NELL1: variants seen among roughly 807,000 people sequenced by gnomAD.
The protein encoded by NELL1 is protein kinase C-binding protein NELL1.
In NELL1, 76 loss-of-function variants were observed where a neutral mutation model predicts 107.4. That is an observed-to-expected ratio of 0.71 (90% CI 0.59 to 0.86). NELL1 has a LOEUF of 0.86. Ranked by LOEUF, NELL1 falls within the 40% of genes least tolerant of loss-of-function variation. The probability of loss-of-function intolerance (pLI) is 0.00; values close to 1 mark genes in which losing one functional copy is unlikely to be tolerated. For synonymous variants in NELL1, 353 were observed against 341.2 expected (o/e 1.03, Z -0.38); for missense variants, 1,024 against 1,005.5 (o/e 1.02, Z -0.25).
At chr11:20,774,672 T>C (rs1448331010) in intron 2 of NELL1, among the ~76,000 whole-genome samples, 2 of 152,160 alleles carry the variant, frequency 1.3e-5, no homozygotes, top group African/African-American at 4.8e-5. Flanking sequence ...CAGGGAATGC[T>C]CAGTAAGGGT....
chr11:21,216,057 A>G (rs1313711157), intron 13 of NELL1, among the ~76,000 whole-genome samples: 1 of 152,102 alleles, frequency 6.6e-6, no homozygotes, highest in Non-Finnish European at 1.5e-5. Context: ...CCCTCTGTGT[A>G]CAGCCTCAGG....
At chr11:21,522,737 T>A (rs1855757449) in intron 15 of NELL1, among the ~76,000 whole-genome samples, 1 of 152,124 alleles carries the variant, frequency 6.6e-6, no homozygotes, top group Non-Finnish European at 1.5e-5. Flanking sequence ...ATCTATATAT[T>A]TGAGTGTTAT....
chr11:20,819,483 G>C (rs1857701213), intron 3 of NELL1, among the ~76,000 whole-genome samples: 1 of 152,216 alleles, frequency 6.6e-6, no homozygotes, highest in Non-Finnish European at 1.5e-5. Context: ...GGTCCACTGA[G>C]GGCAATGTGT....
In NELL1 at chr11:20,790,668, T is replaced by A. The variant is rs537386250; in HGVS notation, c.335+6838T>A. ...TAGGACTCCTACCTGCTCTGTGGAGTGGGAGGTCTAGATCTGCAGCCATGA... is the reference window on the plus strand; with the variant it reads ...TAGGACTCCTACCTGCTCTGTGGAGAGGGAGGTCTAGATCTGCAGCCATGA... On this transcript the variant is annotated intron_variant, in intron 3 of 19. Coordinates refer to ENST00000357134, the MANE Select transcript of NELL1 (RefSeq NM_006157.5). Among the ~76,000 whole-genome samples the A allele has an allele frequency of 4.0e-5, 6 of 151,672 alleles. No individual in the cohort carries two copies. In the East Asian group the frequency reaches 1.2e-3, roughly 30 times the overall value.
intron 14 of NELL1, among the ~76,000 whole-genome samples, chr11:21,342,702 G>GGAGAGAGA (rs34390468): frequency 7.4e-4 from 107 of 145,108 alleles, no homozygotes; most frequent in African/African-American, 2.3e-3. Context: ...GAAGGAAGAG[G>GGAGAGAGA]GAGAGAGAGA....
At chr11:20,748,762 T>G (rs1856060857) in intron 2 of NELL1, among the ~76,000 whole-genome samples, 1 of 152,152 alleles carries the variant, frequency 6.6e-6, no homozygotes, top group Non-Finnish European at 1.5e-5. Flanking sequence ...GGCTAAATAG[T>G]ATTCCATAGT....
chr11:21,291,429 A>G (rs1293097422), intron 14 of NELL1, among the ~76,000 whole-genome samples: 1 of 151,324 alleles, frequency 6.6e-6, no homozygotes, highest in Non-Finnish European at 1.5e-5. Flanking sequence ...GATGATAATT[A>G]ATAGACTACC....
intron 12 of NELL1, among the ~76,000 whole-genome samples, chr11:21,052,989 T>G (rs903810718): frequency 1.3e-5 from 2 of 151,930 alleles, no homozygotes; most frequent in African/African-American, 2.4e-5. Context: ...TGAAGGGAGA[T>G]AGACACTCTG....
At chr11:21,450,313 A>G (rs1042486858) in intron 15 of NELL1, among the ~76,000 whole-genome samples, 3 of 152,210 alleles carry the variant, frequency 2.0e-5, no homozygotes, top group Admixed American at 6.5e-5. Context: ...GGGATTTTCA[A>G]TAAATTTTCT....
intron 14 of NELL1, among the ~76,000 whole-genome samples, chr11:21,291,272 A>C (rs1160853473): frequency 6.6e-6 from 1 of 152,212 alleles, no homozygotes; most frequent in Non-Finnish European, 1.5e-5. Flanking sequence ...ATTAAGGCAG[A>C]AACAAGTTTT....
chr11:21,347,657 G>A (rs1850714923), intron 14 of NELL1, among the ~76,000 whole-genome samples: 1 of 152,148 alleles, frequency 6.6e-6, no homozygotes, highest in Admixed American at 6.6e-5. Flanking sequence ...TACTAGAGGT[G>A]TCATTTTTCT....
At chr11:21,228,297 C>T (rs1192288480) in intron 13 of NELL1, among the ~76,000 whole-genome samples, 1 of 152,160 alleles carries the variant, frequency 6.6e-6, no homozygotes, top group African/African-American at 2.4e-5. Flanking sequence ...GGAATCTTTT[C>T]ATCTGTTTTC....
chr11:20,934,796 C>T (rs935806207), intron 9 of NELL1, among the ~76,000 whole-genome samples: 3 of 152,104 alleles, frequency 2.0e-5, no homozygotes, highest in African/African-American at 4.8e-5. Flanking sequence ...TGTGGTCTCT[C>T]CATGCAAGTA....
chr11:21,472,117 C>T (rs1170854387), intron 15 of NELL1, among the ~76,000 whole-genome samples: 4 of 150,416 alleles, frequency 2.7e-5, no homozygotes, highest in African/African-American at 9.8e-5. Flanking sequence ...TCTAAGCTCC[C>T]AGAAGAAAGA....
intron 2 of NELL1, among the ~76,000 whole-genome samples, chr11:20,718,459 T>C (rs1191568049): frequency 2.2e-5 from 1 of 45,744 alleles, no homozygotes; most frequent in Non-Finnish European, 5.3e-5. Flanking sequence ...GGTTTATTTA[T>C]TCATTTTTTT....
intron 2 of NELL1, among the ~76,000 whole-genome samples, chr11:20,761,591 G>C (rs1339135608): frequency 6.6e-6 from 1 of 152,136 alleles, no homozygotes; most frequent in Non-Finnish European, 1.5e-5. Context: ...CCCACAACTT[G>C]GGAAGTTTGG....
chr11:20,808,150 T>A (rs1027243611), intron 3 of NELL1, among the ~76,000 whole-genome samples: 7 of 152,134 alleles, frequency 4.6e-5, no homozygotes, highest in Non-Finnish European at 1.0e-4. Flanking sequence ...ATGTGCTGGG[T>A]CATGCCTGAA....
intron 2 of NELL1, among the ~76,000 whole-genome samples, chr11:20,711,246 C>T (rs1227613601): frequency 1.3e-5 from 2 of 152,018 alleles, no homozygotes; most frequent in Non-Finnish European, 2.9e-5. Flanking sequence ...GCTTTTTCCA[C>T]CCCTTTACCT....
At chr11:21,473,749 A>G (rs1854244510) in intron 15 of NELL1, among the ~76,000 whole-genome samples, 1 of 152,058 alleles carries the variant, frequency 6.6e-6, no homozygotes, top group Non-Finnish European at 1.5e-5. Flanking sequence ...ATATAGGAGG[A>G]AATTCTAAGG....
Sources: allele counts gnomAD v4.1 joint callset (sites outside exome capture counted in the v4.1 genomes callset), GRCh38; gene constraint gnomAD v4.1.1; transcripts MANE v1.5; gene names NCBI Gene and HGNC (gene_info 2026-07-23, HGNC 2026-07-21).